The following IARS2 variants were observed in gnomAD, a reference collection of about 807,000 sequenced individuals.
IARS2 encodes isoleucyl-tRNA synthetase 2, mitochondrial, also known as isoleucine--tRNA ligase, mitochondrial.
IARS2 carries 56 observed loss-of-function variants against 126.3 expected under a neutral mutation model. That is an observed-to-expected ratio of 0.44 (90% CI 0.36 to 0.55). The LOEUF (loss-of-function observed/expected upper bound fraction) is 0.55. Among genes scored for constraint, IARS2 ranks in the 20% least tolerant of loss-of-function variants. The probability of loss-of-function intolerance (pLI) is 0.00; values close to 1 mark genes in which losing one functional copy is unlikely to be tolerated. For missense variants in IARS2, 1,127 were observed against 1,245.9 expected (o/e 0.90, Z 1.44); for synonymous variants, 407 against 441.1 (o/e 0.92, Z 0.97).
intron 9 of IARS2, 99 bp from the exon 10 acceptor site, chr1:220,106,962 C>A: frequency 2.4e-6 from 2 of 829,566 alleles, no homozygotes; most frequent in Non-Finnish European, 4.1e-6. Context: ...AGAAAAAGAC[C>A]AGGCTATACT....
At position 220,100,222 on chromosome 1, in the gene IARS2, T is replaced by G. The variant is rs2289190; in HGVS notation, c.391-268T>G. On this transcript the variant is annotated intron_variant, in intron 2 of 22. Coordinates refer to ENST00000366922, the MANE Select transcript of IARS2 (RefSeq NM_018060.4). ...ACAATATTCCATTCTCTGAGTACAC[T>G]GTAAGTTCTGCAATGGTTTGATGAT... Among the ~76,000 whole-genome samples, 38,211 of 152,128 alleles carry G rather than the reference T, an allele frequency of 0.25. 4,910 individuals are homozygous for G. Among genetic ancestry groups the G allele is most frequent in the East Asian group, 0.39 (2,006 of 5,166 alleles).
chr1:220,109,351 G>C (rs914173820), intron 10 of IARS2, among the ~76,000 whole-genome samples: 2 of 149,570 alleles, frequency 1.3e-5, no homozygotes, highest in African/African-American at 5.0e-5. Flanking sequence ...AGTGAGCTGA[G>C]ACTGCACCAC....
At chr1:220,136,634 C>CAAAAA in intron 15 of IARS2, among the ~76,000 whole-genome samples, 175 bp from the exon 16 acceptor site, 2 of 63,002 alleles carry the variant, frequency 3.2e-5, no homozygotes, top group Non-Finnish European at 6.4e-5. Flanking sequence ...GACTCCATCT[C>CAAAAA]AAAAAAAAAA....
chr1:220,136,960 A>G (rs753147659), intron 16 of IARS2, 49 bp downstream of exon 16: 13 of 1,165,604 alleles, frequency 1.1e-5, no homozygotes, highest in Non-Finnish European at 1.5e-5. Flanking sequence ...AGGATCTTAA[A>G]TTGGCAGCCA....
chr1:220,109,225 C>T (rs565207890), intron 10 of IARS2, among the ~76,000 whole-genome samples: 53 of 152,058 alleles, frequency 3.5e-4, no homozygotes, highest in Non-Finnish European at 6.6e-4. Flanking sequence ...ATGGTGAAAC[C>T]CTGTGTCTAC....
In IARS2 at chr1:220,100,536, A is replaced by G. The variant is rs1484018006; in HGVS notation, c.437A>G (p.Lys146Arg). ...ANRFHMMNGS[K>R]IHFVPGWDCH... ...CGATTCCATATGATGAATGGCTCCAAAATACATTTTGTGCCCGGCTGGGAT... is the reference window on the plus strand; with the variant it reads ...CGATTCCATATGATGAATGGCTCCAGAATACATTTTGTGCCCGGCTGGGAT... The change falls in exon 3 of 23, where the codon AAA becomes AGA. Residue 146 changes from lysine (K) to arginine (R), a missense_variant. Transcript: ENST00000366922. 3 of 1,613,302 alleles carry G rather than the reference A, an allele frequency of 1.9e-6. No homozygotes were observed. Among genetic ancestry groups the G allele is most frequent in the East Asian group, 2.2e-5 (1 of 44,812 alleles).
rs147194962 is a variant in IARS2, at chr1:220,130,761, G to A, written c.1838-3641G>A. 3.5e-3 allele frequency among the ~76,000 whole-genome samples: 536 copies of A among 152,212 alleles called. 5 individuals carry two copies. Among genetic ancestry groups the A allele is most frequent in the African/African-American group, 0.012 (498 of 41,518 alleles). ...TTTAGTAGGGACGGGGTTTCACCAT[G>A]TTAGCCAGGATGGGGTAGGGGTTTA... On this transcript the variant is annotated intron_variant, in intron 14 of 22. Coordinates refer to ENST00000366922, the MANE Select transcript of IARS2 (RefSeq NM_018060.4).
In IARS2 at chr1:220,147,581, G is replaced by C; in HGVS notation, c.2985G>C (p.Ala995=). The C allele has an allele frequency of 6.2e-7, 1 of 1,614,068 alleles. No individual in the cohort carries two copies. Among genetic ancestry groups the C allele is most frequent in the Non-Finnish European group, 8.5e-7 (1 of 1,180,016 alleles). ...EKCPRCWKYT[A]ESSDTLCPRC... is the part of the protein sequence containing the mutation. ...GCCCCCGTTGTTGGAAGTATACAGC[G>C]GAGTCTTCAGATACACTGTGTCCTC... Residue 995 remains alanine (A), a synonymous_variant, in exon 23 of 23, where the codon GCG becomes GCC. Coordinates refer to ENST00000366922, the MANE Select transcript of IARS2 (RefSeq NM_018060.4).
In IARS2 at chr1:220,107,053, C is replaced by G. The variant is rs1339558816; in HGVS notation, c.1237-8C>G. On this transcript the variant is annotated splice_region_variant and splice_polypyrimidine_tract_variant and intron_variant, in intron 9 of 22. Coordinates refer to ENST00000366922, the MANE Select transcript of IARS2 (RefSeq NM_018060.4). ...GATATTTTAATTGTTCAAAATGATA[C>G]TTTATAGGATTGTCTAGTGGACGAA... 1 of 1,566,174 alleles carries G rather than the reference C, an allele frequency of 6.4e-7. No individual in the cohort carries two copies. The highest frequency in any genetic ancestry group is 1.4e-5 in the African/African-American group (1 of 73,896).
intron 1 of IARS2, among the ~76,000 whole-genome samples, chr1:220,095,021 A>C (rs552716339): frequency 3.3e-5 from 5 of 151,418 alleles, no homozygotes; most frequent in Non-Finnish European, 7.4e-5. Flanking sequence ...GGGGAAGTTG[A>C]AGCCCACTTC....
intron 2 of IARS2, among the ~76,000 whole-genome samples, chr1:220,099,387 T>A (rs1476948629): frequency 1.3e-5 from 2 of 152,280 alleles, no homozygotes; most frequent in East Asian, 1.9e-4. Context: ...ATACAGTCGA[T>A]GTAAAACATT....
chr1:220,138,517 G>C (rs1657426575), intron 17 of IARS2, among the ~76,000 whole-genome samples: 1 of 151,640 alleles, frequency 6.6e-6, no homozygotes. Flanking sequence ...TCAAAACATT[G>C]GTAGTAATAC....
chr1:220,140,106 G>A (rs1031474187), intron 18 of IARS2, 77 bp from the exon 19 acceptor site: 7 of 780,536 alleles, frequency 9.0e-6, no homozygotes, highest in Middle Eastern at 2.2e-4. Flanking sequence ...TTTGAAAGGA[G>A]CATATTTTGC....
chr1:220,127,143 C>T (rs1386622371), intron 14 of IARS2, among the ~76,000 whole-genome samples: 5 of 152,190 alleles, frequency 3.3e-5, no homozygotes, highest in Non-Finnish European at 2.9e-5. Flanking sequence ...CCAAGGCACC[C>T]AGTTTTGTAA....
At chr1:220,105,370 A>G (rs1010592570) in intron 8 of IARS2, among the ~76,000 whole-genome samples, 2 of 152,234 alleles carry the variant, frequency 1.3e-5, no homozygotes, top group Admixed American at 6.5e-5. Flanking sequence ...TCTAGATAGC[A>G]TAATTGTTTC....
intron 14 of IARS2, among the ~76,000 whole-genome samples, chr1:220,132,822 A>G (rs1247596888): frequency 1.3e-5 from 2 of 151,972 alleles, no homozygotes; most frequent in Non-Finnish European, 2.9e-5. Flanking sequence ...CACCGCACCC[A>G]GCCCCATGTC....
chr1:220,108,468 G>T (rs1178929831), intron 10 of IARS2, among the ~76,000 whole-genome samples: 1 of 150,724 alleles, frequency 6.6e-6, no homozygotes, highest in Admixed American at 6.6e-5. Flanking sequence ...CTCACTGCAA[G>T]CTCTGCCTCC....
Position 220,110,810 on chromosome 1 carries a change from A to C in IARS2, c.1352A>C (p.Lys451Thr), listed in dbSNP as rs750724236. 6.2e-6 allele frequency: 10 copies of C among 1,610,596 alleles called. No homozygotes were observed. The Admixed American group carries it at 1.7e-4, about 27-fold the overall frequency. The change falls in exon 11 of 23, where the codon AAG becomes ACG. Residue 451 changes from lysine to threonine, a missense_variant. Coordinates refer to ENST00000366922, the MANE Select transcript of IARS2 (RefSeq NM_018060.4). ...GTTATAAAGATGCTTCAGACTGCAA[A>C]GAATTTGTTGAAAGAGGAGAAATTG... ...DVVIKMLQTAKNLLKEEKLVH... is the reference protein window; with the variant it reads ...DVVIKMLQTATNLLKEEKLVH...
Position 220,096,091 on chromosome 1 carries a change from T to C in IARS2, c.268-13T>C. 7.3e-7 allele frequency: 1 copy of C among 1,378,162 alleles called. No homozygotes were observed. 85.4% of individuals were successfully genotyped at this position (1,378,162 alleles called of 1,614,324 possible). A position where few individuals can be genotyped will look rare whatever the true frequency, so the allele number is the denominator to read the frequency against. On this transcript the variant is annotated splice_polypyrimidine_tract_variant and intron_variant, in intron 1 of 22. Coordinates refer to ENST00000366922, the MANE Select transcript of IARS2 (RefSeq NM_018060.4). ...TATATGATGTTTAGATATCTTTTTT[T>C]TTTTTAAAACAGAAATGTGGATTTT...
Sources: gnomAD v4.1 joint callset for allele counts (sites outside exome capture counted in the v4.1 genomes callset) on GRCh38, gnomAD v4.1.1 for gene constraint, MANE v1.5 for transcripts, NCBI Gene and HGNC (gene_info 2026-07-23, HGNC 2026-07-21) for gene names.